The following METTL14 variants were observed in gnomAD, a reference collection of about 807,000 sequenced individuals.
METTL14 encodes methyltransferase 14, N6-adenosine-methyltransferase non-catalytic subunit.
Under a neutral mutation model 62.4 loss-of-function variants are expected in METTL14, and 32 were observed. The ratio of observed to expected loss-of-function variants is 0.51; its 90% CI spans 0.39 to 0.69. The LOEUF is 0.69. Among genes scored for constraint, METTL14 ranks in the 30% least tolerant of loss-of-function variants. METTL14 has a pLI of 0.00. For missense variants in METTL14, 340 were observed against 551.9 expected (o/e 0.62, Z 3.85); for synonymous variants, 150 against 180.0 (o/e 0.83, Z 1.34).
intron 2 of METTL14, among the ~76,000 whole-genome samples, chr4:118,688,478 A>C (rs945022170): frequency 2.0e-5 from 3 of 151,930 alleles, no homozygotes; most frequent in Non-Finnish European, 2.9e-5. Context: ...TTACTGTTTT[A>C]ATAAATAACC....
intron 7 of METTL14, 22 bp from the exon 8 acceptor site, chr4:118,700,528 A>G (rs1302625391): frequency 3.8e-6 from 6 of 1,575,288 alleles, no homozygotes; most frequent in Admixed American, 1.7e-5. Flanking sequence ...CTTTTATGCA[A>G]TATCGTTTTG....
At chr4:118,705,486 A>G (rs1220286146) in intron 9 of METTL14, 125 bp from the exon 10 acceptor site, 2 of 798,658 alleles carry the variant, frequency 2.5e-6, no homozygotes, top group African/African-American at 3.5e-5. Flanking sequence ...AAAGAAGAGA[A>G]ATAACTGTAT....
At chr4:118,707,571 G>A (rs1724791703) in intron 10 of METTL14, among the ~76,000 whole-genome samples, 1 of 146,790 alleles carries the variant, frequency 6.8e-6, no homozygotes, top group Admixed American at 7.0e-5. Flanking sequence ...GGCTGAGGCA[G>A]AAGAATCACT....
At chr4:118,691,187 C>G (rs1327030650) in intron 3 of METTL14, among the ~76,000 whole-genome samples, 2 of 151,872 alleles carry the variant, frequency 1.3e-5, no homozygotes. Context: ...CCTTTTTGAC[C>G]TTTAAGCATA....
At chr4:118,686,683 G>T (rs1054313970) in intron 1 of METTL14, 4 of 454,824 alleles carry the variant, frequency 8.8e-6, no homozygotes, top group African/African-American at 6.0e-5. Flanking sequence ...TTCTTTTATC[G>T]TATTATCTTC....
Position 118,712,535 on chromosome 4 carries a change from GC to G in METTL14, c.*2235del, listed in dbSNP as rs1724952617. On this transcript the variant is annotated 3_prime_UTR_variant, in exon 11 of 11. Transcript: ENST00000388822. Reference sequence around the variant, plus strand: ...CTCGGGAGGCTGTGGCAGGAGAATTGCCTGAACCCAGGAGGCGGAGGTTGCA... The same window carrying G: ...CTCGGGAGGCTGTGGCAGGAGAATTGCTGAACCCAGGAGGCGGAGGTTGCA... 1 of 151,924 alleles carries G rather than the reference GC, an allele frequency of 6.6e-6. No individual in the cohort carries two copies. Among genetic ancestry groups the G allele is most frequent in the African/African-American group, 2.4e-5 (1 of 41,334 alleles). 9.4% of individuals were successfully genotyped at this position (151,924 alleles called of 1,614,324 possible).
intron 1 of METTL14, chr4:118,686,529 T>G (rs1379325336): frequency 2.3e-6 from 1 of 442,338 alleles, no homozygotes; most frequent in African/African-American, 2.0e-5. Context: ...AAACCTATCC[T>G]CTTTATGGTC....
At chr4:118,709,084 G>A (rs1429921870) in intron 10 of METTL14, among the ~76,000 whole-genome samples, 1 of 152,226 alleles carries the variant, frequency 6.6e-6, no homozygotes, top group African/African-American at 2.4e-5. Context: ...TTCATTTCAT[G>A]TAAGAAATAT....
At chr4:118,694,388 T>G in intron 5 of METTL14, 48 bp from the exon 6 acceptor site, 1 of 1,469,890 alleles carries the variant, frequency 6.8e-7, no homozygotes, top group Non-Finnish European at 9.4e-7. Context: ...ATTACTGATA[T>G]TAACTTCAGT....
chr4:118,698,059 G>A (rs1200401908), intron 7 of METTL14, among the ~76,000 whole-genome samples: 1 of 152,058 alleles, frequency 6.6e-6, no homozygotes, highest in Admixed American at 6.6e-5. Flanking sequence ...TTAGGAGTTG[G>A]GACTTTTATT....
At chr4:118,705,498 C>A in intron 9 of METTL14, 113 bp from the exon 10 acceptor site, 1 of 884,628 alleles carries the variant, frequency 1.1e-6, no homozygotes, top group Non-Finnish European at 1.8e-6. Flanking sequence ...TAACTGTATC[C>A]CAAAGATTCC....
intron 8 of METTL14, 42 bp from the exon 9 acceptor site, chr4:118,703,893 C>T: frequency 8.5e-7 from 1 of 1,171,534 alleles, no homozygotes; most frequent in Non-Finnish European, 1.2e-6. Context: ...TTGTTTATTT[C>T]TTTAAGTTAA....
Position 118,687,051 on chromosome 4 carries a change from A to G in METTL14, c.67-872A>G, listed in dbSNP as rs1483508670. 6.6e-5 allele frequency among the ~76,000 whole-genome samples: 10 copies of G among 152,376 alleles called. No individual in the cohort carries two copies. The East Asian group carries it at 1.9e-3, about 29-fold the overall frequency. On this transcript the variant is annotated intron_variant, in intron 1 of 10. Coordinates refer to ENST00000388822, the MANE Select transcript of METTL14 (RefSeq NM_020961.4). ...CGATTTTTATTAGAGCATAGAATAA[A>G]TAAGTTATATAAGCTGATGCCTACA...
At chr4:118,698,937 A>C (rs955714324) in intron 7 of METTL14, among the ~76,000 whole-genome samples, 2 of 152,222 alleles carry the variant, frequency 1.3e-5, no homozygotes, top group African/African-American at 2.4e-5. Flanking sequence ...GTGGACTGAC[A>C]GTAAAGCCGG....
rs1724527135 is a variant in METTL14 at position 118,699,646 on chromosome 4, A to G, written c.646-904A>G. Among the ~76,000 whole-genome samples, 3 of 152,296 alleles carry G rather than the reference A, an allele frequency of 2.0e-5. No individual in the cohort carries two copies. In the Middle Eastern group the frequency reaches 0.01, roughly 518 times the overall value. ...AATTAGGCAGAATTTTGTTTTCTCT[A>G]GCCAATCCGTGAGGTTTCAGCAGTG... On this transcript the variant is annotated intron_variant, in intron 7 of 10. Transcript: ENST00000388822.
intron 10 of METTL14, among the ~76,000 whole-genome samples, chr4:118,708,561 A>G (rs1234839197): frequency 6.6e-6 from 1 of 152,222 alleles, no homozygotes; most frequent in Non-Finnish European, 1.5e-5. Flanking sequence ...AACTATTACA[A>G]ATCTTACTGT....
intron 4 of METTL14, among the ~76,000 whole-genome samples, 156 bp downstream of exon 4, chr4:118,691,768 T>C (rs912816647): frequency 5.3e-5 from 8 of 152,230 alleles, no homozygotes; most frequent in Non-Finnish European, 1.2e-4. Flanking sequence ...TGAAATAGTC[T>C]TCTGATATTT....
Position 118,701,173 on chromosome 4 carries a change from GT to G in METTL14, c.738+540del, listed in dbSNP as rs370557403. Among the ~76,000 whole-genome samples the G allele has an allele frequency of 4.0e-4, 46 of 114,174 alleles. No individual in the cohort carries two copies. The East Asian group carries it at 9.5e-3, about 24-fold the overall frequency. 74.9% of individuals were successfully genotyped at this position (114,174 alleles called of 152,430 possible). ...TTTTTATTTTTATTTTTTTATTGGAGTTTTTTTTTGTTTTTTTTTGTTTTTT... is the reference window on the plus strand; with the variant it reads ...TTTTTATTTTTATTTTTTTATTGGAGTTTTTTTTGTTTTTTTTTGTTTTTT... On this transcript the variant is annotated intron_variant, in intron 8 of 10. Coordinates refer to ENST00000388822, the MANE Select transcript of METTL14 (RefSeq NM_020961.4).
intron 6 of METTL14, among the ~76,000 whole-genome samples, chr4:118,695,839 C>T (rs186365050): frequency 1.6e-3 from 247 of 151,304 alleles, no homozygotes; most frequent in Non-Finnish European, 2.4e-3. Context: ...GGGCCGGGTG[C>T]GGTGGCTCAC....
Sources: allele counts gnomAD v4.1 joint callset (sites outside exome capture counted in the v4.1 genomes callset), GRCh38; gene constraint gnomAD v4.1.1; transcripts MANE v1.5; gene names NCBI Gene and HGNC (gene_info 2026-07-23, HGNC 2026-07-21).